PRKCG: variants seen among roughly 807,000 people sequenced by gnomAD.
The protein encoded by PRKCG is protein kinase C gamma type.
A neutral mutation model predicts 82.0 loss-of-function variants in PRKCG; 28 were observed. The observed-to-expected ratio is 0.34, with a 90% CI of 0.25 to 0.47. The LOEUF (loss-of-function observed/expected upper bound fraction) is 0.47, where lower values mean the gene tolerates loss of function less well. PRKCG is among the 20% of genes least tolerant of loss of function. The pLI is 1.00. For missense variants in PRKCG, 640 were observed against 952.7 expected (o/e 0.67, Z 4.32); for synonymous variants, 383 against 376.6 (o/e 1.02, Z -0.20).
chr19:53,893,300 CCT>C lies in PRKCG; in HGVS notation c.910-61_910-60del. 3 of 1,555,534 alleles carry C rather than the reference CCT, an allele frequency of 1.9e-6. 1 individual carries two copies. In the South Asian group the frequency reaches 3.3e-5, roughly 17 times the overall value. ...TTGAGGGTACTAGGGGCCACCAGCC[CCT>C]GTTCTAGGGCGATCCCCTGCATCTC... On this transcript the variant is annotated intron_variant, in intron 8 of 17. Transcript: ENST00000263431.
At chr19:53,906,216 CTT>C (rs2068809278) in intron 16 of PRKCG, 99 bp from the exon 17 acceptor site, 1 of 1,475,846 alleles carries the variant, frequency 6.8e-7, no homozygotes, top group African/African-American at 1.4e-5. Context: ...GCCTGTGTCT[CTT>C]GGTTCCTCCA....
chr19:53,902,751 C>T (rs1438934211), intron 14 of PRKCG, among the ~76,000 whole-genome samples: 3 of 151,504 alleles, frequency 2.0e-5, no homozygotes, highest in Admixed American at 6.6e-5. Context: ...AAAAATTAGC[C>T]AGGTGTGGTG....
chr19:53,899,146 GTGGCCAGGCGGTGAGTTCCTCGGTGGCA>G (rs1291765835), intron 11 of PRKCG, among the ~76,000 whole-genome samples: 4 of 152,040 alleles, frequency 2.6e-5, no homozygotes, highest in Admixed American at 6.6e-5. Flanking sequence ...CCTCGGGGGC[GTGGCCAGGCGGTGAGTTCCTCGGTGGCA>G]TGGCCTGGCC....
rs2068681997 is a variant in PRKCG, at chr19:53,892,278, G to A, written c.687-231G>A. ...GAGAGACAAGAGACAGAGATGGGAA[G>A]GGGCGGAGAATGCAGGAGGAAGGGA... On this transcript the variant is annotated intron_variant, in intron 6 of 17. Coordinates refer to ENST00000263431, the MANE Select transcript of PRKCG (RefSeq NM_002739.5). The surrounding 1 kb of genome is among the most constrained non-coding windows in gnomAD (Gnocchi z 5.9). Among the ~76,000 whole-genome samples, 1 of 152,190 alleles carries A rather than the reference G, an allele frequency of 6.6e-6. No homozygotes were observed. Among genetic ancestry groups the A allele is most frequent in the Non-Finnish European group, 1.5e-5 (1 of 68,032 alleles).
At position 53,898,562 on chromosome 19, in the gene PRKCG, G is replaced by A; in HGVS notation, c.1215G>A (p.Leu405=). Residue 405 remains leucine (L), a synonymous_variant, in exon 11 of 18, where the codon CTG becomes CTA. Transcript: ENST00000263431. ...CTLVEKRVLA[L]GGRGPGGRPH... is the part of the protein sequence containing the mutation. ...TGGTGGAGAAACGTGTGCTGGCGCT[G>A]GGGGGCCGGGGTCCTGGCGGCCGGC... 6.2e-7 allele frequency: 1 copy of A among 1,612,264 alleles called. No individual in the cohort carries two copies.
intron 17 of PRKCG, 113 bp downstream of exon 17, chr19:53,906,570 C>G (rs1456394967): frequency 6.4e-7 from 1 of 1,564,434 alleles, no homozygotes; most frequent in Non-Finnish European, 8.8e-7. Context: ...CCCCCGCCCC[C>G]AACAAAAGGA....
Position 53,889,953 on chromosome 19 carries a change from C to T in PRKCG, c.465C>T (p.Thr155=). The part of the protein sequence containing the change: ...SVPSLCGVDH[T]ERRGRLQLEI... ...CCTCCCTGTGCGGTGTGGACCACAC[C>T]GAGCGCCGCGGGCGCCTGCAGCTGG... Residue 155 remains threonine, a synonymous_variant, in exon 5 of 18, where the codon ACC becomes ACT. Coordinates refer to ENST00000263431, the MANE Select transcript of PRKCG (RefSeq NM_002739.5). The surrounding 1 kb of genome is among the most constrained non-coding windows in gnomAD (Gnocchi z 4.4). 1 of 1,577,432 alleles carries T rather than the reference C, an allele frequency of 6.3e-7. No individual in the cohort carries two copies. Among genetic ancestry groups the T allele is most frequent in the Non-Finnish European group, 8.6e-7 (1 of 1,163,062 alleles).
In PRKCG at chr19:53,882,541, G is replaced by A. The variant is rs1360731511; in HGVS notation, c.47G>A (p.Arg16Gln). The stretch of plus-strand genomic sequence containing the variant: ...GTAGGCGATTCAGAGGGGGGACCCC[G>A]GCCCCTGTTTTGCAGAAAGGGGGCC... ...PGVGDSEGGP[R>Q]PLFCRKGALR... The change falls in exon 1 of 18, where the codon CGG (arginine) becomes CAG (glutamine). Residue 16 changes from arginine (R) to glutamine (Q), a missense_variant. Arg to Gln is a conservative substitution (Grantham distance 43, BLOSUM62 1). Around this residue, in one of 7 missense-constraint regions of PRKCG, gnomAD observed 27 missense variants for 23.9 expected, o/e 1.13. Transcript: ENST00000263431. The surrounding 1 kb of genome is among the most constrained non-coding windows in gnomAD (Gnocchi z 6.1). 8 of 1,614,196 alleles carry A rather than the reference G, an allele frequency of 5.0e-6. No homozygotes were observed. The highest frequency in any genetic ancestry group is 2.2e-5 in the South Asian group (2 of 91,088).
intron 9 of PRKCG, among the ~76,000 whole-genome samples, chr19:53,894,428 C>T (rs568198803): frequency 6.6e-6 from 1 of 151,906 alleles, no homozygotes; most frequent in South Asian, 2.1e-4. Flanking sequence ...CATTCATTCA[C>T]TCACTGAATA....
rs2242243 is a variant in PRKCG, at chr19:53,906,742, C to T, written c.1941C>T (p.Phe647=). The change falls in exon 18 of 18, where the codon TTC becomes TTT. Residue 647 remains phenylalanine, a synonymous_variant. Coordinates refer to ENST00000263431, the MANE Select transcript of PRKCG (RefSeq NM_002739.5). The stretch of plus-strand genomic sequence containing the variant: ...GCGGCGAGAACTTTGACAAGTTCTT[C>T]ACGCGGGCGGCGCCAGCGCTGACCC... The part of the protein sequence containing the change: ...GRSGENFDKF[F]TRAAPALTPP... The T allele has an allele frequency of 2.2e-3, 3,617 of 1,613,346 alleles. 145 individuals are homozygous for T. In the East Asian group the frequency reaches 0.073, roughly 33 times the overall value.
At chr19:53,893,983 C>T (rs992456944) in intron 9 of PRKCG, among the ~76,000 whole-genome samples, 9 of 151,994 alleles carry the variant, frequency 5.9e-5, no homozygotes, top group African/African-American at 9.7e-5. Flanking sequence ...TCTCAAACTC[C>T]CAAACTCAGG....
At chr19:53,890,114 T>G (rs2068662529) in intron 5 of PRKCG, 97 bp downstream of exon 5, 1 of 1,311,346 alleles carries the variant, frequency 7.6e-7, no homozygotes, top group Non-Finnish European at 1.1e-6. Context: ...ACCCCAAAGA[T>G]GGGGCCACGC....
chr19:53,898,013 A>G lies in PRKCG; in HGVS notation c.994A>G (p.Thr332Ala), dbSNP rs752420624. The G allele has an allele frequency of 6.2e-7, 1 of 1,613,198 alleles. No individual in the cohort carries two copies. Among genetic ancestry groups the G allele is most frequent in the African/African-American group, 1.3e-5 (1 of 74,574 alleles). ...CATCCCCTCCCCTTCCCCTAGTCCC[A>G]CCGACCCCAAGCGCTGCTTCTTCGG... ...SPIPSPSPSP[T>A]DPKRCFFGAS... Residue 332 changes from threonine to alanine, a missense_variant, in exon 10 of 18, where the codon ACC (threonine) becomes GCC (alanine). Transcript: ENST00000263431.
Position 53,892,774 on chromosome 19 carries a change from A to ACG in PRKCG, c.821+132_821+133insGC. On this transcript the variant is annotated intron_variant, in intron 7 of 17. Transcript: ENST00000263431. This position sits in a 1 kb window ranked among gnomAD's most constrained non-coding sequence, Gnocchi z 5.9. The stretch of plus-strand genomic sequence containing the variant: ...TGCGCACACACACACACACACACAC[A>ACG]CACACACGCACACACACGCACACAC... 1.7e-5 allele frequency: 18 copies of ACG among 1,034,172 alleles called. No homozygotes were observed. The highest frequency in any genetic ancestry group is 2.1e-5 in the Admixed American group (1 of 46,634). The allele number at this position is 1,034,172 out of a possible 1,614,324, so 64.1% of individuals were successfully genotyped here.
In PRKCG at chr19:53,907,050, G is replaced by T; in HGVS notation, c.*155G>T. 1 of 1,505,214 alleles carries T rather than the reference G, an allele frequency of 6.6e-7. No individual in the cohort carries two copies. The allele number at this position is 1,505,214 out of a possible 1,614,324, so 93.2% of individuals were successfully genotyped here. On this transcript the variant is annotated 3_prime_UTR_variant, in exon 18 of 18. Transcript: ENST00000263431. ...CGCGGGTTCTAGACGCCCCTCCCAAGCGTTCCTGGCCTTCTGAACTCCATA... is the reference window on the plus strand; with the variant it reads ...CGCGGGTTCTAGACGCCCCTCCCAATCGTTCCTGGCCTTCTGAACTCCATA...
chr19:53,890,319 C>T (rs1404892663), intron 5 of PRKCG, among the ~76,000 whole-genome samples: 1 of 151,948 alleles, frequency 6.6e-6, no homozygotes, highest in Non-Finnish European at 1.5e-5. Context: ...TGCAATGGCG[C>T]GATCTCGGCT....
Position 53,892,440 on chromosome 19 carries a change from A to T in PRKCG, c.687-69A>T. 1 of 1,571,068 alleles carries T rather than the reference A, an allele frequency of 6.4e-7. No homozygotes were observed. The highest frequency in any genetic ancestry group is 1.1e-5 in the South Asian group (1 of 87,146). On this transcript the variant is annotated intron_variant, in intron 6 of 17. Transcript: ENST00000263431. This position sits in a 1 kb window ranked among gnomAD's most constrained non-coding sequence, Gnocchi z 5.9. ...GGCTGGGTTTGCCCCCACCTCCAGCACCAAGGATGGGGAACCGAGGGGAGC... is the reference window on the plus strand; with the variant it reads ...GGCTGGGTTTGCCCCCACCTCCAGCTCCAAGGATGGGGAACCGAGGGGAGC...
At chr19:53,906,092 T>TTCC in intron 16 of PRKCG, among the ~76,000 whole-genome samples, 5 of 81,636 alleles carry the variant, frequency 6.1e-5, no homozygotes, top group African/African-American at 6.0e-4. Context: ...CTCCTTCTTC[T>TTCC]TCTTCTTCTT....
chr19:53,905,426 T>C (rs2068795021), intron 16 of PRKCG, among the ~76,000 whole-genome samples: 1 of 151,262 alleles, frequency 6.6e-6, no homozygotes, highest in Admixed American at 6.6e-5. Context: ...TGGCTTTCTG[T>C]CCTCCCTTTT....
Sources: allele counts gnomAD v4.1 joint callset (sites outside exome capture counted in the v4.1 genomes callset), GRCh38; gene constraint gnomAD v4.1.1; regional missense constraint gnomAD v4.1.1; non-coding constraint Gnocchi (gnomAD v3.1); transcripts MANE v1.5; gene names NCBI Gene and HGNC (gene_info 2026-07-23, HGNC 2026-07-21).